MCC: variants seen among roughly 807,000 people sequenced by gnomAD.
MCC encodes the protein MCC regulator of Wnt signaling pathway, also known as colorectal mutant cancer protein.
A neutral mutation model predicts 116.2 loss-of-function variants in MCC; 90 were observed. The observed-to-expected ratio is 0.77, with a 90% CI of 0.65 to 0.92. The LOEUF is 0.92. Among genes scored for constraint, MCC ranks in the 40% least tolerant of loss-of-function variants. The pLI is 0.00. For synonymous variants in MCC, 578 were observed against 510.5 expected (o/e 1.13, Z -1.78); for missense variants, 1,516 against 1,312.2 (o/e 1.16, Z -2.40).
At chr5:113,052,564 G>C (rs1217522134) in intron 15 of MCC, among the ~76,000 whole-genome samples, 1 of 152,176 alleles carries the variant, frequency 6.6e-6, no homozygotes, top group Non-Finnish European at 1.5e-5. Context: ...CCAAGGACAG[G>C]GCTGTGCTGA....
chr5:113,046,754 G>A (rs911842580), intron 16 of MCC, among the ~76,000 whole-genome samples: 6 of 138,708 alleles, frequency 4.3e-5, no homozygotes, highest in Non-Finnish European at 6.1e-5. Flanking sequence ...TCATCTTCCC[G>A]AGCCCCAGAT....
intron 7 of MCC, among the ~76,000 whole-genome samples, chr5:113,102,855 G>A (rs375552924): frequency 6.6e-6 from 1 of 151,806 alleles, no homozygotes; most frequent in Non-Finnish European, 1.5e-5. Flanking sequence ...AGTGGCTCAC[G>A]CCTGTAATCC....
intron 2 of MCC, among the ~76,000 whole-genome samples, chr5:113,355,524 C>G (rs1768388437): frequency 6.6e-6 from 1 of 151,978 alleles, no homozygotes; most frequent in Admixed American, 6.6e-5. Flanking sequence ...AACAAAATAC[C>G]AAAACTTATG....
intron 1 of MCC, among the ~76,000 whole-genome samples, chr5:113,471,267 C>A (rs550545718): frequency 3.5e-4 from 53 of 152,272 alleles, no homozygotes; most frequent in African/African-American, 1.3e-3. Context: ...TTTAGAGTTT[C>A]CAGTTTTTCT....
At chr5:113,437,224 T>A (rs1052648687) in intron 1 of MCC, 2 of 152,162 alleles carry the variant, frequency 1.3e-5, no homozygotes, top group Non-Finnish European at 2.9e-5. Context: ...ACAAAGGCAA[T>A]AGGGAAAGAT....
At chr5:113,249,446 GT>G (rs1764710011) in intron 3 of MCC, among the ~76,000 whole-genome samples, 3 of 152,320 alleles carry the variant, frequency 2.0e-5, no homozygotes, top group Admixed American at 2.0e-4. Context: ...GCTACTCACT[GT>G]TTTCCTTCAC....
In MCC at chr5:113,060,988, T is replaced by C. The variant is rs542011887; in HGVS notation, c.2213+2996A>G. ...TAACTAGGTGGCTGTTTCAAAAAAT[T>C]CACCCTTTCAATGGACATGATTTCA... is the stretch of plus-strand genomic sequence containing the variant. On this transcript the variant is annotated intron_variant, in intron 14 of 18. Transcript: ENST00000408903. Among the ~76,000 whole-genome samples the C allele has an allele frequency of 1.6e-4, 25 of 152,308 alleles. No homozygotes were observed. In the South Asian group the frequency reaches 3.1e-3, roughly 19 times the overall value.
intron 3 of MCC, among the ~76,000 whole-genome samples, chr5:113,244,936 A>T (rs544769196): frequency 2.4e-4 from 37 of 152,376 alleles, no homozygotes; most frequent in African/African-American, 8.2e-4. Flanking sequence ...AATACTGCCC[A>T]CAAGTATGAG....
At position 113,327,559 on chromosome 5, in the gene MCC, A is replaced by ATATAT. The variant is rs1186361820; in HGVS notation, c.627+12959_627+12960insATATA. On this transcript the variant is annotated intron_variant, in intron 3 of 18. Transcript: ENST00000408903. ...AGACTCAGTCTCAAAAAAAAAAAAA[A>ATATAT]AAATATATATATATATATATATATA... is the stretch of plus-strand genomic sequence containing the variant. Among the ~76,000 whole-genome samples the ATATAT allele has an allele frequency of 2.8e-3, 228 of 80,622 alleles. 1 individual carries two copies. Among genetic ancestry groups the ATATAT allele is most frequent in the African/African-American group, 0.011 (215 of 18,862 alleles). 52.9% of individuals were successfully genotyped at this position (80,622 alleles called of 152,430 possible). A position where few individuals can be genotyped will look rare whatever the true frequency, so the allele number is the denominator to read the frequency against.
At position 113,076,419 on chromosome 5, in the gene MCC, G is replaced by C. The variant is rs546102609; in HGVS notation, c.1785-5185C>G. On this transcript the variant is annotated intron_variant, in intron 11 of 18. Coordinates refer to ENST00000408903, the MANE Select transcript of MCC (RefSeq NM_001085377.2). Reference sequence around the variant, plus strand: ...TAAGGGCAGCCACAGAGAAAGGTCGGGTTACCCACAAAGGGAAGCCCATCA... The same window carrying C: ...TAAGGGCAGCCACAGAGAAAGGTCGCGTTACCCACAAAGGGAAGCCCATCA... 2.3e-4 allele frequency among the ~76,000 whole-genome samples: 35 copies of C among 152,226 alleles called. 2 individuals are homozygous for C. The highest frequency in any genetic ancestry group is 7.9e-4 in the African/African-American group (33 of 41,552).
At position 113,264,338 on chromosome 5, in the gene MCC, G is replaced by A. The variant is rs188918537; in HGVS notation, c.627+76181C>T. ...ACAATGAGCAGAGGGCCTTAGTCAC[G>A]GGTCAAACACCTAAAGTCTGGCCTG... On this transcript the variant is annotated intron_variant, in intron 3 of 18. Coordinates refer to ENST00000408903, the MANE Select transcript of MCC (RefSeq NM_001085377.2). Among the ~76,000 whole-genome samples, 200 of 152,264 alleles carry A rather than the reference G, an allele frequency of 1.3e-3. No homozygotes were observed. In the Middle Eastern group the frequency reaches 0.017, roughly 13 times the overall value.
intron 2 of MCC, among the ~76,000 whole-genome samples, chr5:113,375,233 C>G (rs1362149610): frequency 1.3e-5 from 2 of 151,928 alleles, no homozygotes; most frequent in Admixed American, 1.3e-4. Context: ...CCAAGATCAG[C>G]TTGGACTTAA....
At chr5:113,143,861 C>T (rs2150286323) in intron 4 of MCC, among the ~76,000 whole-genome samples, 1 of 152,350 alleles carries the variant, frequency 6.6e-6, no homozygotes, top group African/African-American at 2.4e-5. Context: ...ATTCACCCCT[C>T]CTTTGCTGAA....
chr5:113,345,510 G>A (rs554757484), intron 2 of MCC, among the ~76,000 whole-genome samples: 2 of 152,362 alleles, frequency 1.3e-5, no homozygotes, highest in South Asian at 4.1e-4. Context: ...CTAGTGGTGG[G>A]AACCACAGGG....
intron 1 of MCC, among the ~76,000 whole-genome samples, chr5:113,464,734 T>C (rs1198616437): frequency 6.6e-6 from 1 of 152,010 alleles, no homozygotes; most frequent in Non-Finnish European, 1.5e-5. Context: ...AATAAATGTA[T>C]GTTGAATAAA....
At chr5:113,351,008 T>A (rs992199924) in intron 2 of MCC, among the ~76,000 whole-genome samples, 2 of 152,028 alleles carry the variant, frequency 1.3e-5, no homozygotes, top group African/African-American at 4.8e-5. Context: ...CCAGTTAAAG[T>A]GGATTTTATC....
rs150855485 is a variant in MCC at position 113,124,053 on chromosome 5, T to C, written c.885-1227A>G. Among the ~76,000 whole-genome samples the C allele has an allele frequency of 1.9e-3, 289 of 152,280 alleles. 2 individuals carry two copies. The East Asian group carries it at 0.028, about 15-fold the overall frequency. On this transcript the variant is annotated intron_variant, in intron 5 of 18. Coordinates refer to ENST00000408903, the MANE Select transcript of MCC (RefSeq NM_001085377.2). ...TGGTTCTCTTAAGATATCAAATTTC[T>C]CCCAGGAAAGGGATTCAGCTGAGCC...
At chr5:113,285,550 T>C (rs2150358866) in intron 3 of MCC, among the ~76,000 whole-genome samples, 1 of 152,174 alleles carries the variant, frequency 6.6e-6, no homozygotes. Flanking sequence ...TTGCCACTCC[T>C]GAAGCATAGC....
chr5:113,250,820 G>A (rs1412763137), intron 3 of MCC, among the ~76,000 whole-genome samples: 1 of 152,124 alleles, frequency 6.6e-6, no homozygotes, highest in African/African-American at 2.4e-5. Context: ...ACATTCTGAT[G>A]ACTGGAAATC....
Sources: allele counts gnomAD v4.1 joint callset (sites outside exome capture counted in the v4.1 genomes callset), GRCh38; gene constraint gnomAD v4.1.1; transcripts MANE v1.5; gene names NCBI Gene and HGNC (gene_info 2026-07-23, HGNC 2026-07-21).